The following PACSIN2 variants were observed in gnomAD, a reference collection of about 807,000 sequenced individuals.
PACSIN2 encodes the protein protein kinase C and casein kinase substrate in neurons protein 2.
Under a neutral mutation model 63.8 loss-of-function variants are expected in PACSIN2, and 25 were observed. The ratio of observed to expected loss-of-function variants is 0.39; its 90% CI spans 0.29 to 0.55. The LOEUF is 0.55. PACSIN2 is among the 20% of genes least tolerant of loss of function. The pLI is 0.62. For synonymous variants in PACSIN2, 255 were observed against 256.2 expected (o/e 1.00, Z 0.05); for missense variants, 518 against 646.9 (o/e 0.80, Z 2.16).
intron 1 of PACSIN2, among the ~76,000 whole-genome samples, chr22:42,993,358 C>T (rs1369112167): frequency 1.3e-5 from 2 of 152,200 alleles, no homozygotes; most frequent in African/African-American, 2.4e-5. Context: ...TTCTCACTAT[C>T]TTCTTTGCAA....
chr22:42,940,877 G>A (rs959476627), intron 1 of PACSIN2, among the ~76,000 whole-genome samples: 2 of 152,178 alleles, frequency 1.3e-5, no homozygotes, highest in Non-Finnish European at 2.9e-5. Context: ...TGAGATTCTT[G>A]CTATTTTTCT....
At position 42,968,080 on chromosome 22, in the gene PACSIN2, T is replaced by C. The variant is rs1428736744; in HGVS notation, c.-78+46941A>G. 2.0e-5 allele frequency among the ~76,000 whole-genome samples: 3 copies of C among 152,126 alleles called. No homozygotes were observed. In the East Asian group the frequency reaches 5.8e-4, roughly 29 times the overall value. On this transcript the variant is annotated intron_variant, in intron 1 of 10. Coordinates refer to ENST00000263246, the MANE Select transcript of PACSIN2 (RefSeq NM_001184970.3). ...TGAGAAAACTACAGGTTTGGGGAAG[T>C]GGCTTGCCCACAGTTGCACAGCAAT...
At chr22:42,927,071 AG>A (rs1932584836) in intron 1 of PACSIN2, among the ~76,000 whole-genome samples, 1 of 152,186 alleles carries the variant, frequency 6.6e-6, no homozygotes, top group Admixed American at 6.5e-5. Context: ...CAAGGCCAAC[AG>A]GGGCTCCTCA....
chr22:42,995,208 A>C (rs188680247), intron 1 of PACSIN2, among the ~76,000 whole-genome samples: 1 of 152,384 alleles, frequency 6.6e-6, no homozygotes, highest in Admixed American at 6.5e-5. Flanking sequence ...GAGAAACTGC[A>C]CCCTGGCATT....
intron 1 of PACSIN2, among the ~76,000 whole-genome samples, chr22:42,971,258 G>A (rs1027389534): frequency 2.0e-5 from 3 of 152,166 alleles, no homozygotes; most frequent in Non-Finnish European, 4.4e-5. Context: ...ACTGGTTTTT[G>A]TATTTTTTGG....
chr22:42,989,772 G>C (rs1036662532), intron 1 of PACSIN2, among the ~76,000 whole-genome samples: 8 of 151,160 alleles, frequency 5.3e-5, no homozygotes, highest in African/African-American at 1.9e-4. Flanking sequence ...CCGCATTCCA[G>C]CCTGGGCGAC....
At chr22:42,905,274 G>A (rs1930993355) in intron 2 of PACSIN2, among the ~76,000 whole-genome samples, 5 of 152,272 alleles carry the variant, frequency 3.3e-5, no homozygotes, top group African/African-American at 1.2e-4. Context: ...AAGGAAAGGT[G>A]ACCTCATTCA....
At chr22:42,893,390 G>A (rs759971262) in intron 3 of PACSIN2, 67 bp downstream of exon 3, 36 of 1,514,128 alleles carry the variant, frequency 2.4e-5, no homozygotes, top group Middle Eastern at 4.6e-4. Flanking sequence ...GGGTCACAAC[G>A]TGCCCAGAGC....
rs1010081049 is a variant in PACSIN2 at position 42,967,107 on chromosome 22, G to A, written c.-78+47914C>T. On this transcript the variant is annotated intron_variant, in intron 1 of 10. Transcript: ENST00000263246. ...GACCATGCAGGGTGACAGGTGCTCC[G>A]TAACAGAAACTAGGCAGGGAATGTG... Among the ~76,000 whole-genome samples, 19 of 94,056 alleles carry A rather than the reference G, an allele frequency of 2.0e-4. 1 individual carries two copies. The highest frequency in any genetic ancestry group is 3.6e-4 in the Non-Finnish European group (17 of 47,330). The allele number at this position is 94,056 out of a possible 152,430, so 61.7% of individuals were successfully genotyped here. A position where few individuals can be genotyped will look rare whatever the true frequency, so the allele number is the denominator to read the frequency against.
intron 2 of PACSIN2, 69 bp from the exon 3 acceptor site, chr22:42,893,682 C>T: frequency 6.5e-7 from 1 of 1,532,130 alleles, no homozygotes; most frequent in Admixed American, 1.7e-5. Flanking sequence ...GCACAAATGG[C>T]CTCCATGCCA....
chr22:42,988,681 C>T (rs1034023824), intron 1 of PACSIN2, among the ~76,000 whole-genome samples: 2 of 152,194 alleles, frequency 1.3e-5, no homozygotes, highest in African/African-American at 4.8e-5. Flanking sequence ...GTTAACATTG[C>T]TCTCCAAACT....
At chr22:42,908,194 C>T (rs951119583) in intron 2 of PACSIN2, among the ~76,000 whole-genome samples, 4 of 152,246 alleles carry the variant, frequency 2.6e-5, no homozygotes, top group African/African-American at 9.6e-5. Flanking sequence ...AGACAGCTGA[C>T]AGCTGTGCAG....
intron 10 of PACSIN2, among the ~76,000 whole-genome samples, chr22:42,875,152 CTT>C (rs34029113): frequency 4.1e-5 from 6 of 146,836 alleles, no homozygotes; most frequent in Non-Finnish European, 3.0e-5. Context: ...GCCCAGCCTA[CTT>C]TTTTTTTTTT....
intron 2 of PACSIN2, among the ~76,000 whole-genome samples, chr22:42,895,982 C>T (rs554259242): frequency 4.6e-5 from 7 of 152,202 alleles, no homozygotes; most frequent in Non-Finnish European, 1.0e-4. Flanking sequence ...GCACTGCAGT[C>T]GTCCCAGGAG....
At chr22:42,953,245 T>C (rs9620105) in intron 1 of PACSIN2, among the ~76,000 whole-genome samples, 8,492 of 151,846 alleles carry the variant, frequency 0.056, 773 homozygotes, top group African/African-American at 0.19. Context: ...CACAAAAATA[T>C]CTAGGATAAC....
intron 1 of PACSIN2, among the ~76,000 whole-genome samples, chr22:42,933,491 G>A (rs1424093945): frequency 2.6e-5 from 4 of 152,198 alleles, no homozygotes; most frequent in Non-Finnish European, 4.4e-5. Context: ...ACACACCCAT[G>A]TTCATGTTTG....
chr22:42,880,823 T>TG (rs35263060), intron 7 of PACSIN2, among the ~76,000 whole-genome samples: 58,228 of 151,896 alleles, frequency 0.38, 11,853 homozygotes, highest in Non-Finnish European at 0.45. Context: ...TGCCCCTCTT[T>TG]GGGTATAATG....
intron 1 of PACSIN2, among the ~76,000 whole-genome samples, chr22:42,953,836 C>T (rs138891181): frequency 7.9e-5 from 12 of 152,178 alleles, no homozygotes; most frequent in Middle Eastern, 6.8e-3. Context: ...CAGAGGCAAG[C>T]GTGATTGTGT....
chr22:42,903,133 C>A (rs1260011929), intron 2 of PACSIN2, among the ~76,000 whole-genome samples: 10 of 152,196 alleles, frequency 6.6e-5, no homozygotes, highest in Non-Finnish European at 1.5e-4. Flanking sequence ...AAATCCAGGG[C>A]CTGAGTTAGT....
Sources: allele counts gnomAD v4.1 joint callset (sites outside exome capture counted in the v4.1 genomes callset), GRCh38; gene constraint gnomAD v4.1.1; transcripts MANE v1.5; gene names NCBI Gene and HGNC (gene_info 2026-07-23, HGNC 2026-07-21).